SPOCK1: variants seen among roughly 807,000 people sequenced by gnomAD.
The protein encoded by SPOCK1 is SPARC (osteonectin), cwcv and kazal like domains proteoglycan 1.
Under a neutral mutation model 55.3 loss-of-function variants are expected in SPOCK1, and 23 were observed. The observed-to-expected ratio is 0.42, with a 90% CI of 0.30 to 0.59. The LOEUF (loss-of-function observed/expected upper bound fraction) is 0.59, where lower values mean the gene tolerates loss of function less well. Among genes scored for constraint, SPOCK1 ranks in the 20% least tolerant of loss-of-function variants. The pLI is 0.22. For missense variants in SPOCK1, 499 were observed against 552.5 expected, an observed-to-expected ratio of 0.90 and a Z score of 0.97; for synonymous variants, 226 against 221.0, an observed-to-expected ratio of 1.02 and a Z score of -0.20.
chr5:137,416,131 A>T (rs190686610), intron 2 of SPOCK1, among the ~76,000 whole-genome samples: 8 of 152,238 alleles, frequency 5.3e-5, no homozygotes, highest in African/African-American at 1.7e-4. Flanking sequence ...TGCTGAAAAC[A>T]ACGCAAGCAA....
intron 5 of SPOCK1, among the ~76,000 whole-genome samples, chr5:137,099,704 G>A (rs1753225239): frequency 6.6e-6 from 1 of 151,890 alleles, no homozygotes; most frequent in African/African-American, 2.4e-5. Flanking sequence ...TTAACTCAGG[G>A]TGAACCCACT....
chr5:137,266,981 T>A (rs1182213318), intron 3 of SPOCK1, 29 bp downstream of exon 3: 9 of 1,601,826 alleles, frequency 5.6e-6, no homozygotes, highest in Non-Finnish European at 7.7e-6. Flanking sequence ...TACCACAGAC[T>A]ATACAGCAAG....
intron 2 of SPOCK1, among the ~76,000 whole-genome samples, chr5:137,346,116 G>A (rs1750549155): frequency 6.6e-6 from 1 of 152,214 alleles, no homozygotes; most frequent in Admixed American, 6.5e-5. Flanking sequence ...TCCCTCTCAA[G>A]AGGCAATTCT....
At chr5:137,181,566 GT>G (rs1754969486) in intron 3 of SPOCK1, among the ~76,000 whole-genome samples, 2 of 152,190 alleles carry the variant, frequency 1.3e-5, no homozygotes, top group African/African-American at 4.8e-5. Flanking sequence ...CCCACGGCCA[GT>G]TTCCCAAACC....
intron 3 of SPOCK1, among the ~76,000 whole-genome samples, chr5:137,169,384 A>G (rs1580787766): frequency 6.6e-6 from 1 of 152,294 alleles, no homozygotes; most frequent in East Asian, 1.9e-4. Context: ...TAGATACCCC[A>G]TTTGTCCCCA....
At position 137,262,077 on chromosome 5, in the gene SPOCK1, G is replaced by GAACT. The variant is rs370949886; in HGVS notation, c.232+4929_232+4932dup. Among the ~76,000 whole-genome samples the GAACT allele has an allele frequency of 2.1e-4, 32 of 152,240 alleles. No individual in the cohort carries two copies. In the Middle Eastern group the frequency reaches 0.017, roughly 81 times the overall value. On this transcript the variant is annotated intron_variant, in intron 3 of 10. Coordinates refer to ENST00000394945, the MANE Select transcript of SPOCK1 (RefSeq NM_004598.4). ...AAGTTTCCATTTTCTTCTTCTAAAA[G>GAACT]AACTAGTCAGGAAGCTTTGAAACAC...
intron 3 of SPOCK1, among the ~76,000 whole-genome samples, chr5:137,254,881 T>C (rs528610963): frequency 6.6e-6 from 1 of 152,330 alleles, no homozygotes; most frequent in African/African-American, 2.4e-5. Context: ...CTTCCATTAA[T>C]TGAAAGCACA....
Position 137,409,472 on chromosome 5 carries a change from T to C in SPOCK1, c.186+88901A>G, listed in dbSNP as rs139673564. ...GCATCTCAGAGCACAGGATCTAGAG[T>C]CAGACAGCCTGGGCTCATATCTCAA... On this transcript the variant is annotated intron_variant, in intron 2 of 10. Coordinates refer to ENST00000394945, the MANE Select transcript of SPOCK1 (RefSeq NM_004598.4). 2.0e-5 allele frequency among the ~76,000 whole-genome samples: 3 copies of C among 152,178 alleles called. No individual in the cohort carries two copies. In the East Asian group the frequency reaches 5.8e-4, roughly 29 times the overall value.
At chr5:137,041,675 T>C (rs777655483) in intron 6 of SPOCK1, among the ~76,000 whole-genome samples, 7 of 152,298 alleles carry the variant, frequency 4.6e-5, no homozygotes, top group East Asian at 1.9e-4. Context: ...CTTTGCCATA[T>C]GTGATAGAAA....
At chr5:137,132,408 T>G (rs1345615009) in intron 4 of SPOCK1, among the ~76,000 whole-genome samples, 1 of 152,052 alleles carries the variant, frequency 6.6e-6, no homozygotes, top group Admixed American at 6.6e-5. Flanking sequence ...TACCTCAACC[T>G]CCTCTTTCTA....
chr5:137,099,790 C>T (rs75364060), intron 5 of SPOCK1, among the ~76,000 whole-genome samples: 13,337 of 152,118 alleles, frequency 0.088, 762 homozygotes, highest in South Asian at 0.19. Flanking sequence ...TGTATCCAGT[C>T]AACGGAAAGG....
chr5:137,093,610 CA>C (rs1199576870), intron 5 of SPOCK1, among the ~76,000 whole-genome samples: 1 of 152,168 alleles, frequency 6.6e-6, no homozygotes, highest in African/African-American at 2.4e-5. Context: ...GAGGGGAAGA[CA>C]GCTCTGTTGT....
intron 6 of SPOCK1, among the ~76,000 whole-genome samples, chr5:137,030,854 A>G (rs1184779480): frequency 6.6e-6 from 1 of 152,226 alleles, no homozygotes; most frequent in Non-Finnish European, 1.5e-5. Context: ...AGTTAAACAC[A>G]TCCTATGACA....
At chr5:137,078,535 C>T (rs1354223344) in intron 5 of SPOCK1, among the ~76,000 whole-genome samples, 1 of 152,170 alleles carries the variant, frequency 6.6e-6, no homozygotes, top group African/African-American at 2.4e-5. Flanking sequence ...GTCTGCATCT[C>T]TCATTACAAA....
At chr5:137,231,684 A>C (rs1756067891) in intron 3 of SPOCK1, among the ~76,000 whole-genome samples, 1 of 152,248 alleles carries the variant, frequency 6.6e-6, no homozygotes, top group Non-Finnish European at 1.5e-5. Context: ...ATTGTAAATA[A>C]AGCTGCTAAT....
chr5:137,079,532 T>TTCCCGC (rs1349925762), intron 5 of SPOCK1, among the ~76,000 whole-genome samples: 1 of 24,176 alleles, frequency 4.1e-5, no homozygotes, highest in African/African-American at 6.9e-5. Context: ...TCCCATCTGA[T>TTCCCGC]TCCCCCCCCC....
chr5:137,479,338 G>A (rs1378452815), intron 2 of SPOCK1, among the ~76,000 whole-genome samples: 3 of 152,230 alleles, frequency 2.0e-5, no homozygotes, highest in Non-Finnish European at 4.4e-5. Flanking sequence ...ATAAACAGTA[G>A]CTCAGCTGGA....
chr5:137,331,314 T>C (rs903224690), intron 2 of SPOCK1, among the ~76,000 whole-genome samples: 1 of 152,112 alleles, frequency 6.6e-6, no homozygotes, highest in Non-Finnish European at 1.5e-5. Context: ...TCCAGAGTCT[T>C]CTGAACCCCT....
chr5:137,102,709 T>C (rs1753293516), intron 5 of SPOCK1, among the ~76,000 whole-genome samples: 2 of 152,232 alleles, frequency 1.3e-5, no homozygotes, highest in African/African-American at 4.8e-5. Flanking sequence ...CTCTGCTACT[T>C]ACTAGCGATA....
Sources: allele counts gnomAD v4.1 joint callset (sites outside exome capture counted in the v4.1 genomes callset), GRCh38; gene constraint gnomAD v4.1.1; transcripts MANE v1.5; gene names NCBI Gene and HGNC (gene_info 2026-07-23, HGNC 2026-07-21).